Variants in KIF26B observed in about 807,000 individuals in gnomAD.
KIF26B encodes the protein kinesin-like protein KIF26B.
A neutral mutation model predicts 151.2 loss-of-function variants in KIF26B; 63 were observed. The observed-to-expected ratio is 0.42, with a 90% confidence interval of 0.34 to 0.51. KIF26B has a LOEUF of 0.51. KIF26B is among the 20% of genes least tolerant of loss of function. The pLI, the probability that KIF26B is intolerant of heterozygous loss-of-function variation, is 0.07. For synonymous variants in KIF26B, 1,357 were observed against 1,262.1 expected (o/e 1.08, Z -1.59); for missense variants, 2,813 against 2,913.6 (o/e 0.97, Z 0.79).
At chr1:245,205,330 A>G (rs1225733237) in intron 2 of KIF26B, among the ~76,000 whole-genome samples, 2 of 152,192 alleles carry the variant, frequency 1.3e-5, no homozygotes, top group Non-Finnish European at 2.9e-5. Context: ...TAGAGTTCAT[A>G]GTGGTATTAT....
Position 245,155,499 on chromosome 1 carries a change from C to G in KIF26B, c.63+12C>G. 1.2e-6 allele frequency: 2 copies of G among 1,604,476 alleles called. No individual in the cohort carries two copies. Among genetic ancestry groups the G allele is most frequent in the Non-Finnish European group, 1.7e-6 (2 of 1,173,300 alleles). ...GCAAGAAATACGGGGTAAGTTGTGA[C>G]GGTACGACGCGGAGACGCGTTACCA... On this transcript the variant is annotated intron_variant, in intron 1 of 14. Transcript: ENST00000407071.
chr1:245,568,007 A>T (rs945397125), intron 5 of KIF26B, among the ~76,000 whole-genome samples: 1 of 151,876 alleles, frequency 6.6e-6, no homozygotes, highest in Non-Finnish European at 1.5e-5. Flanking sequence ...AGCATGGCAA[A>T]ACCCCGTCTC....
chr1:245,555,459 C>A (rs1336442260), intron 5 of KIF26B, among the ~76,000 whole-genome samples: 1 of 152,178 alleles, frequency 6.6e-6, no homozygotes, highest in Non-Finnish European at 1.5e-5. Flanking sequence ...CACCAGCAGA[C>A]TGGACAGACT....
At chr1:245,385,098 G>C (rs891970056) in intron 3 of KIF26B, among the ~76,000 whole-genome samples, 1 of 152,052 alleles carries the variant, frequency 6.6e-6, no homozygotes, top group African/African-American at 2.4e-5. Flanking sequence ...CTGAGAATAG[G>C]TGGGCAACAG....
intron 4 of KIF26B, among the ~76,000 whole-genome samples, chr1:245,522,150 T>C (rs191923362): frequency 1.9e-4 from 29 of 152,284 alleles, no homozygotes; most frequent in African/African-American, 6.3e-4. Context: ...ATTACAGGTG[T>C]GAGCCACCGC....
In KIF26B at chr1:245,156,443, C is replaced by T; in HGVS notation, c.225C>T (p.Thr75=). ...GGACCCCGTCTCCCGGCTCGGGCACCTCGTCCCCGAGCTCGTTCACCGGCT... is the reference window on the plus strand; with the variant it reads ...GGACCCCGTCTCCCGGCTCGGGCACTTCGTCCCCGAGCTCGTTCACCGGCT... ...SSGTPSPGSG[T]SSPSSFTGSP... The change falls in exon 2 of 15, where the codon ACC becomes ACT. Residue 75 remains threonine, a synonymous_variant. Transcript: ENST00000407071. The T allele has an allele frequency of 6.5e-7, 1 of 1,526,816 alleles. No homozygotes were observed. Among genetic ancestry groups the T allele is most frequent in the Non-Finnish European group, 8.8e-7 (1 of 1,140,556 alleles). The allele number at this position is 1,526,816 out of a possible 1,614,324, so 94.6% of individuals were successfully genotyped here.
chr1:245,602,405 T>C lies in KIF26B; in HGVS notation c.1351-172T>C, dbSNP rs12727516. Among the ~76,000 whole-genome samples, 34,412 of 152,216 alleles carry C rather than the reference T, an allele frequency of 0.23. 4,617 individuals carry two copies. The highest frequency in any genetic ancestry group is 0.36 in the East Asian group (1,881 of 5,172). On this transcript the variant is annotated intron_variant, in intron 5 of 14. Coordinates refer to ENST00000407071, the MANE Select transcript of KIF26B (RefSeq NM_018012.4). The surrounding 1 kb of genome is among the most constrained non-coding windows in gnomAD (Gnocchi z 4.5). ...CTGGTAATTATAAATAAATCAGTTTTCCCGTGACCCACCAAGGATGATGTT... is the reference window on the plus strand; with the variant it reads ...CTGGTAATTATAAATAAATCAGTTTCCCCGTGACCCACCAAGGATGATGTT...
At chr1:245,269,187 G>A in intron 2 of KIF26B, among the ~76,000 whole-genome samples, 1 of 142,348 alleles carries the variant, frequency 7.0e-6, no homozygotes, top group Non-Finnish European at 1.5e-5. Flanking sequence ...CCACCGAACG[G>A]CTCCTCTCCC....
chr1:245,505,337 C>T (rs1265348422), intron 4 of KIF26B, among the ~76,000 whole-genome samples: 2 of 151,686 alleles, frequency 1.3e-5, no homozygotes, highest in African/African-American at 4.8e-5. Context: ...GACTTGGGAT[C>T]TATATTTATA....
intron 9 of KIF26B, among the ~76,000 whole-genome samples, chr1:245,615,680 TCG>T (rs1356789027): frequency 6.6e-6 from 1 of 152,176 alleles, no homozygotes; most frequent in Non-Finnish European, 1.5e-5. Context: ...TTCCAAAACC[TCG>T]GTTAGGTCCT....
At chr1:245,325,749 C>G (rs1006641757) in intron 2 of KIF26B, among the ~76,000 whole-genome samples, 3 of 152,052 alleles carry the variant, frequency 2.0e-5, no homozygotes, top group Non-Finnish European at 4.4e-5. Context: ...TTTCATCCAG[C>G]CTTCTGATTC....
intron 5 of KIF26B, among the ~76,000 whole-genome samples, chr1:245,574,727 A>T (rs2043100247): frequency 6.6e-6 from 1 of 152,172 alleles, no homozygotes; most frequent in African/African-American, 2.4e-5. Flanking sequence ...CGTGGGTGTG[A>T]CGGGGAGTCA....
intron 2 of KIF26B, among the ~76,000 whole-genome samples, chr1:245,261,139 CTCTT>C (rs576775673): frequency 4.7e-5 from 7 of 149,470 alleles, no homozygotes; most frequent in South Asian, 4.3e-4. Flanking sequence ...TCCTCTTTCT[CTCTT>C]TCTTTCTTTC....
intron 2 of KIF26B, among the ~76,000 whole-genome samples, chr1:245,333,980 C>T (rs373536374): frequency 2.6e-5 from 4 of 151,034 alleles, no homozygotes; most frequent in Non-Finnish European, 5.9e-5. Flanking sequence ...GCCTGGGCGA[C>T]GGAGTGAGAC....
chr1:245,679,484 T>G (rs2044403049), intron 10 of KIF26B, among the ~76,000 whole-genome samples: 1 of 135,230 alleles, frequency 7.4e-6, no homozygotes. Flanking sequence ...TTTTTTTTTT[T>G]TTGACACAAG....
At position 245,166,596 on chromosome 1, in the gene KIF26B, G is replaced by A. The variant is rs542258720; in HGVS notation, c.465+9913G>A. Among the ~76,000 whole-genome samples the A allele has an allele frequency of 7.3e-4, 111 of 152,272 alleles. No individual in the cohort carries two copies. Among genetic ancestry groups the A allele is most frequent in the African/African-American group, 2.5e-3 (105 of 41,556 alleles). On this transcript the variant is annotated intron_variant, in intron 2 of 14. Coordinates refer to ENST00000407071, the MANE Select transcript of KIF26B (RefSeq NM_018012.4). This position sits in a 1 kb window ranked among gnomAD's most constrained non-coding sequence, Gnocchi z 4.5. ...TTGCAGATGTGGCATTTGGCATTTC[G>A]GCTCCGGGGAATGAGGGAGAGCAGA...
intron 4 of KIF26B, among the ~76,000 whole-genome samples, chr1:245,532,394 C>T (rs191365403): frequency 4.0e-5 from 6 of 151,672 alleles, no homozygotes; most frequent in East Asian, 3.9e-4. Context: ...TACAGGCGCC[C>T]GCCACCATGC....
rs2044568068 is a variant in KIF26B, at chr1:245,688,393, G to A, written c.5410G>A (p.Val1804Ile). ...GLASKLPLRAVSGRISELLQG... is the reference protein window; with the variant it reads ...GLASKLPLRAISGRISELLQG... ...GGCCTCCAAGCTTCCCCTGCGGGCCGTCAGCGGGCGCATCTCGGAGCTGCT... is the reference window on the plus strand; with the variant it reads ...GGCCTCCAAGCTTCCCCTGCGGGCCATCAGCGGGCGCATCTCGGAGCTGCT... Residue 1804 changes from valine (V) to isoleucine (I), a missense_variant, in exon 12 of 15, where the codon GTC becomes ATC. Val to Ile is a conservative substitution (Grantham distance 29). Transcript: ENST00000407071. 11 of 1,515,176 alleles carry A rather than the reference G, an allele frequency of 7.3e-6. No homozygotes were observed. Among genetic ancestry groups the A allele is most frequent in the African/African-American group, 1.4e-5 (1 of 70,062 alleles). The allele number at this position is 1,515,176 out of a possible 1,614,324, so 93.9% of individuals were successfully genotyped here. A position where few individuals can be genotyped will look rare whatever the true frequency, so the allele number is the denominator to read the frequency against.
chr1:245,529,929 C>T (rs548467736), intron 4 of KIF26B, among the ~76,000 whole-genome samples: 1 of 152,010 alleles, frequency 6.6e-6, no homozygotes, highest in Non-Finnish European at 1.5e-5. Context: ...ATCCATCTGA[C>T]AAGGGATTAA....
Sources: gnomAD v4.1 joint callset for allele counts (sites outside exome capture counted in the v4.1 genomes callset) on GRCh38, gnomAD v4.1.1 for gene constraint, Gnocchi (gnomAD v3.1) non-coding constraint, MANE v1.5 for transcripts, NCBI Gene and HGNC (gene_info 2026-07-23, HGNC 2026-07-21) for gene names.